CCDC39: variants seen among roughly 807,000 people sequenced by gnomAD.
CCDC39 encodes coiled-coil domain 39 molecular ruler complex subunit.
A neutral mutation model predicts 121.0 loss-of-function variants in CCDC39; 113 were observed. The ratio of observed to expected loss-of-function variants is 0.93; its 90% CI spans 0.80 to 1.09. CCDC39 has a LOEUF of 1.09. Among genes scored for constraint, CCDC39 ranks in the 50% least tolerant of loss-of-function variants. CCDC39 has a pLI of 0.00. For missense variants in CCDC39, 1,063 were observed against 1,074.7 expected, an observed-to-expected ratio of 0.99 and a Z score of 0.15; for synonymous variants, 349 against 352.2, an observed-to-expected ratio of 0.99 and a Z score of 0.10.
chr3:180,662,326 G>T (rs1171581376), intron 2 of CCDC39, among the ~76,000 whole-genome samples: 3 of 151,944 alleles, frequency 2.0e-5, no homozygotes, highest in African/African-American at 7.2e-5. Context: ...CTACAAATAA[G>T]AAATATCCAT....
chr3:180,616,822 A>G lies in CCDC39; in HGVS notation c.2406+4T>C. On this transcript the variant is annotated splice_donor_region_variant and intron_variant, in intron 17 of 19. Coordinates refer to ENST00000476379, the MANE Select transcript of CCDC39 (RefSeq NM_181426.2). ...AAAGGTCAGTTTTTAAAAGATATCG[A>G]TACCTGTTTGGTCACTCTTTCTAAT... 6.2e-7 allele frequency: 1 copy of G among 1,609,770 alleles called. No homozygotes were observed. Among genetic ancestry groups the G allele is most frequent in the Non-Finnish European group, 8.5e-7 (1 of 1,177,396 alleles).
chr3:180,648,914 G>A (rs1177127805), intron 9 of CCDC39, among the ~76,000 whole-genome samples: 2 of 152,118 alleles, frequency 1.3e-5, no homozygotes, highest in Non-Finnish European at 2.9e-5. Context: ...GCAGAGTTGG[G>A]AAGAAATTCA....
At chr3:180,625,332 T>C (rs557474527) in intron 14 of CCDC39, among the ~76,000 whole-genome samples, 50 of 151,882 alleles carry the variant, frequency 3.3e-4, no homozygotes, top group Non-Finnish European at 6.5e-4. Context: ...TTCTTTTGCT[T>C]GTGTAGTCTA....
Position 180,679,187 on chromosome 3 carries a change from A to C in CCDC39, c.90+104T>G, listed in dbSNP as rs945673574. 2.3e-6 allele frequency: 2 copies of C among 858,854 alleles called. No homozygotes were observed. Among genetic ancestry groups the C allele is most frequent in the African/African-American group, 3.3e-5 (2 of 60,446 alleles). 53.2% of individuals were successfully genotyped at this position (858,854 alleles called of 1,614,324 possible). On this transcript the variant is annotated intron_variant, in intron 1 of 19. Coordinates refer to ENST00000476379, the MANE Select transcript of CCDC39 (RefSeq NM_181426.2). The surrounding 1 kb of genome is among the most constrained non-coding windows in gnomAD (Gnocchi z 4.0). ...GGGGGAGTGTTAGAGGAAGCACAGGATTAGGAAAGGAGAGAAATAAAAGGG... is the reference window on the plus strand; with the variant it reads ...GGGGGAGTGTTAGAGGAAGCACAGGCTTAGGAAAGGAGAGAAATAAAAGGG...
At chr3:180,632,758 C>T (rs1717730503) in intron 13 of CCDC39, among the ~76,000 whole-genome samples, 1 of 152,064 alleles carries the variant, frequency 6.6e-6, no homozygotes, top group Non-Finnish European at 1.5e-5. Flanking sequence ...AAGACCACTG[C>T]AGAAGCAGGA....
In CCDC39 at chr3:180,632,726, G is replaced by GA. The variant is rs1176041344; in HGVS notation, c.1875-1135dup. ...GAAAACAGATGGGGTAAGATTAACG[G>GA]AAAAAAAATAGACACACACGGAAGA... is the stretch of plus-strand genomic sequence containing the variant. On this transcript the variant is annotated intron_variant, in intron 13 of 19. Coordinates refer to ENST00000476379, the MANE Select transcript of CCDC39 (RefSeq NM_181426.2). Among the ~76,000 whole-genome samples the GA allele has an allele frequency of 3.3e-5, 5 of 151,662 alleles. No homozygotes were observed. In the East Asian group the frequency reaches 9.7e-4, roughly 29 times the overall value.
Position 180,668,666 on chromosome 3 carries a change from T to C in CCDC39, c.91-4680A>G, listed in dbSNP as rs551840299. 7.9e-5 allele frequency among the ~76,000 whole-genome samples: 12 copies of C among 152,328 alleles called. No individual in the cohort carries two copies. In the South Asian group the frequency reaches 1.9e-3, roughly 24 times the overall value. On this transcript the variant is annotated intron_variant, in intron 1 of 19. Coordinates refer to ENST00000476379, the MANE Select transcript of CCDC39 (RefSeq NM_181426.2). ...TAACTATGTTTCTATTTGTTGTTTA[T>C]TTATTTTCTATCTTTGCTACTAGAT...
chr3:180,647,229 T>C lies in CCDC39; in HGVS notation c.1377A>G (p.Gln459=). 1.3e-6 allele frequency: 2 copies of C among 1,599,134 alleles called. No homozygotes were observed. The highest frequency in any genetic ancestry group is 2.3e-5 in the South Asian group (2 of 87,430). Residue 459 remains glutamine (Q), a synonymous_variant, in exon 11 of 20, where the codon CAA becomes CAG. Coordinates refer to ENST00000476379, the MANE Select transcript of CCDC39 (RefSeq NM_181426.2). ...ACCGTGACATTCTCCGTTCCACTTGTTGAATGTGAAAATCCTGTTACAGTT... is the reference window on the plus strand; with the variant it reads ...ACCGTGACATTCTCCGTTCCACTTGCTGAATGTGAAAATCCTGTTACAGTT... ...EIMYSQDFHI[Q]QVERRMSRLK...
intron 6 of CCDC39, 123 bp from the exon 7 acceptor site, chr3:180,655,076 C>T: frequency 1.8e-6 from 1 of 553,540 alleles, no homozygotes; most frequent in Middle Eastern, 4.9e-4. Context: ...TCTTAGAAGA[C>T]ATTTTTAAAT....
rs1348449744 is a variant in CCDC39, at chr3:180,679,348, C to G, written c.33G>C (p.Trp11Cys). The G allele has an allele frequency of 6.2e-7, 1 of 1,613,942 alleles. No individual in the cohort carries two copies. MSSEFLAELH[W>C]EDGFAIPVAN... ...CCACCGGGATGGCGAACCCATCCTCCCAGTGCAGCTCAGCCAGGAATTCGC... is the reference window on the plus strand; with the variant it reads ...CCACCGGGATGGCGAACCCATCCTCGCAGTGCAGCTCAGCCAGGAATTCGC... The change falls in exon 1 of 20, where the codon TGG (tryptophan) becomes TGC (cysteine). Residue 11 changes from tryptophan to cysteine, a missense_variant. Trp to Cys is a radical substitution (Grantham distance 215). Coordinates refer to ENST00000476379, the MANE Select transcript of CCDC39 (RefSeq NM_181426.2). The surrounding 1 kb of genome is among the most constrained non-coding windows in gnomAD (Gnocchi z 4.0).
chr3:180,619,377 A>T lies in CCDC39; in HGVS notation c.2159-12T>A. The stretch of plus-strand genomic sequence containing the variant: ...CTCATACTCATCACCTGAAATGTAG[A>T]ACATTTTTAGTTTAAAATTTCAACA... On this transcript the variant is annotated splice_polypyrimidine_tract_variant and intron_variant, in intron 15 of 19. Coordinates refer to ENST00000476379, the MANE Select transcript of CCDC39 (RefSeq NM_181426.2). 1 of 1,290,894 alleles carries T rather than the reference A, an allele frequency of 7.7e-7. No homozygotes were observed. Among genetic ancestry groups the T allele is most frequent in the Non-Finnish European group, 1.1e-6 (1 of 922,006 alleles). 80.0% of individuals were successfully genotyped at this position (1,290,894 alleles called of 1,614,324 possible).
intron 6 of CCDC39, among the ~76,000 whole-genome samples, chr3:180,657,233 G>A (rs1334846908): frequency 6.6e-6 from 1 of 152,144 alleles, no homozygotes; most frequent in Non-Finnish European, 1.5e-5. Flanking sequence ...CAAACACTTA[G>A]AAGCATCCTG....
rs1047910260 is a variant in CCDC39, at chr3:180,659,526, C to G, written c.664G>C (p.Glu222Gln). The change falls in exon 6 of 20, where the codon GAA becomes CAA. Residue 222 changes from glutamate (E) to glutamine (Q), a missense_variant. Transcript: ENST00000476379. Reference protein sequence around the residue: ...DFRKIHNERQELIKQWENTIE... With the variant: ...DFRKIHNERQQLIKQWENTIE... ...GTGTTCTCCCATTGTTTAATGAGTT[C>G]TTGTCTTTCATTATGAATCTTACGA... 1 of 1,613,276 alleles carries G rather than the reference C, an allele frequency of 6.2e-7. No homozygotes were observed. Among genetic ancestry groups the G allele is most frequent in the African/African-American group, 1.3e-5 (1 of 75,022 alleles).
Position 180,659,502 on chromosome 3 carries a change from T to G in CCDC39, c.688A>C (p.Thr230Pro), listed in dbSNP as rs573526716. 6.2e-7 allele frequency: 1 copy of G among 1,613,576 alleles called. No homozygotes were observed. Among genetic ancestry groups the G allele is most frequent in the African/African-American group, 1.3e-5 (1 of 75,056 alleles). Residue 230 changes from threonine (T) to proline (P), a missense_variant, in exon 6 of 20, where the codon ACA becomes CCA. Coordinates refer to ENST00000476379, the MANE Select transcript of CCDC39 (RefSeq NM_181426.2). ...RQELIKQWENTIEQMQKRDGD... is the reference protein window; with the variant it reads ...RQELIKQWENPIEQMQKRDGD... ...TCCCTCTTCTGCATCTGTTCTATTG[T>G]GTTCTCCCATTGTTTAATGAGTTCT...
intron 4 of CCDC39, among the ~76,000 whole-genome samples, 164 bp from the exon 5 acceptor site, chr3:180,659,933 T>C (rs1711701953): frequency 6.6e-6 from 1 of 152,152 alleles, no homozygotes; most frequent in South Asian, 2.1e-4. Flanking sequence ...CCCAAAAAGC[T>C]AATCTAATGT....
Position 180,619,291 on chromosome 3 carries a change from T to C in CCDC39, c.2233A>G (p.Arg745Gly). ...AVDEKYRYKQ[R>G]QIRELQEDIQ... is the part of the protein sequence containing the mutation. ...TCTTCTTGAAGTTCTCTGATTTGTC[T>C]TTGTTTGTATCTGTATTTTTCATCA... The change falls in exon 16 of 20, where the codon AGA (arginine) becomes GGA (glycine). Residue 745 changes from arginine (R) to glycine (G), a missense_variant. Coordinates refer to ENST00000476379, the MANE Select transcript of CCDC39 (RefSeq NM_181426.2). 1 of 1,546,112 alleles carries C rather than the reference T, an allele frequency of 6.5e-7. No individual in the cohort carries two copies. Among genetic ancestry groups the C allele is most frequent in the Non-Finnish European group, 8.8e-7 (1 of 1,142,052 alleles).
At chr3:180,619,441 G>T in intron 15 of CCDC39, 76 bp from the exon 16 acceptor site, 1 of 754,396 alleles carries the variant, frequency 1.3e-6, no homozygotes, top group Non-Finnish European at 2.2e-6. Flanking sequence ...TATGTAAATT[G>T]CACCAATATT....
At chr3:180,622,511 A>G (rs1445524839) in intron 14 of CCDC39, among the ~76,000 whole-genome samples, 3 of 152,154 alleles carry the variant, frequency 2.0e-5, no homozygotes, top group African/African-American at 4.8e-5. Flanking sequence ...AAATGCCTTC[A>G]GCTCTTTCCC....
At position 180,647,876 on chromosome 3, in the gene CCDC39, G is replaced by A. The variant is rs1718109270; in HGVS notation, c.1362+289C>T. 3.3e-5 allele frequency among the ~76,000 whole-genome samples: 5 copies of A among 152,072 alleles called. No homozygotes were observed. The South Asian group carries it at 1.0e-3, about 32-fold the overall frequency. On this transcript the variant is annotated intron_variant, in intron 10 of 19. Transcript: ENST00000476379. ...TTTTTCTCGGTTTCAGATATCTCGT[G>A]CCTTCTTCTGTTTTACTCTGGATGC...
Sources: gnomAD v4.1 joint callset for allele counts (sites outside exome capture counted in the v4.1 genomes callset) on GRCh38, gnomAD v4.1.1 for gene constraint, Gnocchi (gnomAD v3.1) non-coding constraint, MANE v1.5 for transcripts, NCBI Gene and HGNC (gene_info 2026-07-23, HGNC 2026-07-21) for gene names.